LRSAM1: variants seen among roughly 807,000 people sequenced by gnomAD.
LRSAM1 encodes E3 ubiquitin-protein ligase LRSAM1.
LRSAM1 carries 96 observed loss-of-function variants against 118.1 expected under a neutral mutation model. The ratio of observed to expected loss-of-function variants is 0.81; its 90% CI spans 0.69 to 0.96. The LOEUF is 0.96. Ranked by LOEUF, LRSAM1 falls within the 40% of genes least tolerant of loss-of-function variation. The probability of loss-of-function intolerance (pLI) is 0.00; values close to 1 mark genes in which losing one functional copy is unlikely to be tolerated. For synonymous variants in LRSAM1, 322 were observed against 364.2 expected (o/e 0.88, Z 1.32); for missense variants, 804 against 915.5 (o/e 0.88, Z 1.57).
chr9:127,453,288 C>T (rs543877896), intron 2 of LRSAM1, among the ~76,000 whole-genome samples: 41 of 152,204 alleles, frequency 2.7e-4, no homozygotes, highest in Non-Finnish European at 5.0e-4. Context: ...GACCATGTTA[C>T]CCAGGCTGGT....
At position 127,496,083 on chromosome 9, in the gene LRSAM1, G is replaced by A. The variant is rs747426963; in HGVS notation, c.1818G>A (p.Gly606=). ...SLDLLSQMSP[G]DLAKVGVSEA... ...ACCTGCTGAGCCAAATGAGCCCAGG[G>A]GACCTGGCCAAGGTGGGCAGCAGCC... The change falls in exon 23 of 26, where the codon GGG becomes GGA. Residue 606 remains glycine, a synonymous_variant. Transcript: ENST00000300417. 7 of 1,610,198 alleles carry A rather than the reference G, an allele frequency of 4.3e-6. No individual in the cohort carries two copies. The African/African-American group carries it at 6.7e-5, about 15-fold the overall frequency.
At chr9:127,496,818 A>T (rs7856923) in intron 23 of LRSAM1, among the ~76,000 whole-genome samples, 24,724 of 152,154 alleles carry the variant, frequency 0.16, 2,572 homozygotes, top group Admixed American at 0.3. Flanking sequence ...GAGGGTCACA[A>T]GGCCATGCCG....
rs530347856 is a variant in LRSAM1, at chr9:127,478,747, A to C, written c.751-187A>C. On this transcript the variant is annotated intron_variant, in intron 11 of 25. Coordinates refer to ENST00000300417, the MANE Select transcript of LRSAM1 (RefSeq NM_001005373.4). ...GCCCAGGGGTTCTCATCAGGTGTCC[A>C]CTGGAACCACCTGGTGCCCTTGATC... is the stretch of plus-strand genomic sequence containing the variant. Among the ~76,000 whole-genome samples the C allele has an allele frequency of 2.0e-5, 3 of 152,274 alleles. No homozygotes were observed. In the East Asian group the frequency reaches 5.8e-4, roughly 29 times the overall value.
intron 10 of LRSAM1, among the ~76,000 whole-genome samples, chr9:127,471,870 C>G (rs1463989621): frequency 6.8e-6 from 1 of 147,602 alleles, no homozygotes; most frequent in South Asian, 2.2e-4. Flanking sequence ...GCCATGTTGA[C>G]CAGGGTGGTC....
chr9:127,476,705 A>T (rs1588117356), intron 11 of LRSAM1, among the ~76,000 whole-genome samples: 1 of 152,124 alleles, frequency 6.6e-6, no homozygotes, highest in East Asian at 1.9e-4. Context: ...ACAGAGTCTC[A>T]CTCTGTCACA....
intron 9 of LRSAM1, among the ~76,000 whole-genome samples, chr9:127,466,504 A>ATATATACATT (rs1554755061): frequency 8.2e-5 from 2 of 24,520 alleles, no homozygotes; most frequent in African/African-American, 3.1e-4. Flanking sequence ...ATATATATAT[A>ATATATACATT]TTTTTTTTTT....
intron 20 of LRSAM1, 81 bp downstream of exon 20, chr9:127,491,376 C>A: frequency 9.0e-7 from 1 of 1,116,702 alleles, no homozygotes; most frequent in Non-Finnish European, 1.4e-6. Context: ...CTGGCAGCTG[C>A]TCACCAGCCC....
In LRSAM1 at chr9:127,467,840, G is replaced by A. The variant is rs1835018895; in HGVS notation, c.619+10G>A. The A allele has an allele frequency of 1.3e-6, 2 of 1,572,170 alleles. No homozygotes were observed. Among genetic ancestry groups the A allele is most frequent in the African/African-American group, 1.3e-5 (1 of 74,504 alleles). ...CAGTTCCTCTGCAAAGGTAAAGCCAGGCCGCTGCCTCCTCCCCTCATTGAG... is the reference window on the plus strand; with the variant it reads ...CAGTTCCTCTGCAAAGGTAAAGCCAAGCCGCTGCCTCCTCCCCTCATTGAG... On this transcript the variant is annotated intron_variant, in intron 10 of 25. Coordinates refer to ENST00000300417, the MANE Select transcript of LRSAM1 (RefSeq NM_001005373.4).
At chr9:127,469,249 A>G (rs1385852358) in intron 10 of LRSAM1, among the ~76,000 whole-genome samples, 1 of 151,006 alleles carries the variant, frequency 6.6e-6, no homozygotes, top group African/African-American at 2.4e-5. Context: ...GTGGGCAGAT[A>G]ACCTGAGGTC....
At chr9:127,456,237 T>G (rs1232755101) in intron 5 of LRSAM1, among the ~76,000 whole-genome samples, 3 of 150,216 alleles carry the variant, frequency 2.0e-5, no homozygotes, top group South Asian at 2.1e-4. Flanking sequence ...TTTGTTTGTT[T>G]TTTTTTTTTT....
intron 11 of LRSAM1, 59 bp downstream of exon 11, chr9:127,473,990 G>A: frequency 6.2e-7 from 1 of 1,611,786 alleles, no homozygotes; most frequent in Non-Finnish European, 8.5e-7. Flanking sequence ...GCATGTATGT[G>A]TGTTGAGGGA....
At chr9:127,468,820 A>AC (rs1283041971) in intron 10 of LRSAM1, among the ~76,000 whole-genome samples, 2 of 141,942 alleles carry the variant, frequency 1.4e-5, no homozygotes, top group African/African-American at 2.7e-5. Context: ...CAAAAAAAAA[A>AC]AAAAAAAAAA....
At chr9:127,453,606 C>T (rs1306720247) in intron 2 of LRSAM1, 1 of 152,196 alleles carries the variant, frequency 6.6e-6, no homozygotes, top group Non-Finnish European at 1.5e-5. Context: ...CTGTTAGAGT[C>T]CTCAAAGAAC....
Position 127,464,748 on chromosome 9 carries a change from ATCC to A in LRSAM1, c.528+2384_528+2386del, listed in dbSNP as rs1170225779. 4.0e-5 allele frequency among the ~76,000 whole-genome samples: 6 copies of A among 151,524 alleles called. No individual in the cohort carries two copies. The South Asian group carries it at 8.4e-4, about 21-fold the overall frequency. Reference sequence around the variant, plus strand: ...AGCCTCAAACTCCTGGGCTCAAGAGATCCTCCTCCTCAGCCTCCCAAGAGACTG... The same window carrying A: ...AGCCTCAAACTCCTGGGCTCAAGAGATCCTCCTCAGCCTCCCAAGAGACTG... On this transcript the variant is annotated intron_variant, in intron 9 of 25. Transcript: ENST00000300417.
intron 24 of LRSAM1, among the ~76,000 whole-genome samples, chr9:127,499,822 G>A (rs1836307743): frequency 6.6e-6 from 1 of 151,928 alleles, no homozygotes; most frequent in South Asian, 2.1e-4. Flanking sequence ...CAAGAGGAGA[G>A]GCTGAGGCAG....
chr9:127,490,841 T>C (rs1470227220), intron 19 of LRSAM1, among the ~76,000 whole-genome samples: 1 of 152,142 alleles, frequency 6.6e-6, no homozygotes, highest in Non-Finnish European at 1.5e-5. Context: ...CAAGAGAACT[T>C]GACCAGCAGG....
At chr9:127,481,970 A>T (rs987673423) in intron 15 of LRSAM1, among the ~76,000 whole-genome samples, 1 of 152,074 alleles carries the variant, frequency 6.6e-6, no homozygotes, top group Non-Finnish European at 1.5e-5. Flanking sequence ...TCAGAAAAAA[A>T]ATCTAAATTT....
In LRSAM1 at chr9:127,491,307, TCCCTGCCCC is replaced by T. The variant is rs1355182421; in HGVS notation, c.1503+13_1503+21del. ...CAGAGTCACTCCAGGTATGTAGGGC[TCCCTGCCCC>T]TGCCCTCCTTCACGTGGTGAGACCC... On this transcript the variant is annotated intron_variant, in intron 20 of 25. Transcript: ENST00000300417. 20 of 1,608,646 alleles carry T rather than the reference TCCCTGCCCC, an allele frequency of 1.2e-5. No homozygotes were observed. Among genetic ancestry groups the T allele is most frequent in the Non-Finnish European group, 1.7e-5 (20 of 1,175,824 alleles).
intron 19 of LRSAM1, 113 bp downstream of exon 19, chr9:127,489,631 T>TAGCCCAACAAGAGGTCGAGGCCTTGCC: frequency 8.3e-7 from 1 of 1,201,030 alleles, no homozygotes; most frequent in South Asian, 1.3e-5. Flanking sequence ...CTTGGCTTGC[T>TAGCCCAACAAGAGGTCGAGGCCTTGCC]AGCCCAACAA....
Sources: gnomAD v4.1 joint callset for allele counts (sites outside exome capture counted in the v4.1 genomes callset) on GRCh38, gnomAD v4.1.1 for gene constraint, MANE v1.5 for transcripts, NCBI Gene and HGNC (gene_info 2026-07-23, HGNC 2026-07-21) for gene names.